SH3KBP1: variants seen among roughly 807,000 people sequenced by gnomAD.
The protein encoded by SH3KBP1 is SH3 domain containing kinase binding protein 1, also known as SH3 domain-containing kinase-binding protein 1.
Under a neutral mutation model 50.1 loss-of-function variants are expected in SH3KBP1, and 8 were observed. The ratio of observed to expected loss-of-function variants is 0.16; its 90% CI spans 0.09 to 0.29. The LOEUF is 0.29. Among genes scored for constraint, SH3KBP1 ranks in the 10% least tolerant of loss-of-function variants. The probability of loss-of-function intolerance (pLI) is 1.00; values close to 1 mark genes in which losing one functional copy is unlikely to be tolerated. For synonymous variants in SH3KBP1, 227 were observed against 218.6 expected (o/e 1.04, Z -0.34); for missense variants, 377 against 535.2 (o/e 0.70, Z 2.92).
intron 13 of SH3KBP1, among the ~76,000 whole-genome samples, chrX:19,554,015 A>ATATATATTAAAATATAATATATAT (rs2065350801): frequency 3.4e-5 from 2 of 59,154 alleles, no homozygotes; most frequent in Admixed American, 2.7e-4. Flanking sequence ...ATAATATATA[A>ATATATATTAAAATATAATATATAT]TATATATTAA....
intron 6 of SH3KBP1, among the ~76,000 whole-genome samples, chrX:19,645,935 G>T (rs2061979002): frequency 9.0e-6 from 1 of 111,403 alleles, no homozygotes; most frequent in Non-Finnish European, 1.9e-5. Flanking sequence ...GGGCAGGACG[G>T]GCAGGCAGGT....
At chrX:19,842,470 G>C in intron 1 of SH3KBP1, among the ~76,000 whole-genome samples, 1 of 111,567 alleles carries the variant, frequency 9.0e-6, no homozygotes, top group East Asian at 2.8e-4. Context: ...AGGTTGCAGT[G>C]AGCTGAGATC....
intron 2 of SH3KBP1, among the ~76,000 whole-genome samples, chrX:19,769,246 G>C (rs1186257049): frequency 3.0e-5 from 3 of 100,624 alleles, no homozygotes; most frequent in Non-Finnish European, 5.9e-5. Flanking sequence ...CACCATGCCC[G>C]GCTAATTTTT....
chrX:19,669,032 A>G (rs1397440358), intron 6 of SH3KBP1, among the ~76,000 whole-genome samples: 3 of 91,201 alleles, frequency 3.3e-5, no homozygotes, highest in Non-Finnish European at 6.5e-5. Context: ...ACACGATCTC[A>G]GCTCACTGCA....
intron 2 of SH3KBP1, among the ~76,000 whole-genome samples, chrX:19,762,735 T>C (rs1231814578): frequency 8.9e-6 from 1 of 111,859 alleles, no homozygotes; most frequent in Non-Finnish European, 1.9e-5. Flanking sequence ...GCAGGCAAGG[T>C]GAATCAGGTG....
At chrX:19,648,723 C>T (rs765193524) in intron 6 of SH3KBP1, among the ~76,000 whole-genome samples, 59 of 110,962 alleles carry the variant, frequency 5.3e-4, no homozygotes, top group African/African-American at 1.9e-3. Flanking sequence ...CTTGCCACTA[C>T]CCACTCAAAG....
At chrX:19,597,793 A>C (rs2148035606) in intron 9 of SH3KBP1, among the ~76,000 whole-genome samples, 1 of 112,745 alleles carries the variant, frequency 8.9e-6, no homozygotes, top group African/African-American at 3.2e-5. Flanking sequence ...CACCAGATGC[A>C]TTAGCCCCTA....
At chrX:19,752,366 G>C (rs770444000) in intron 2 of SH3KBP1, among the ~76,000 whole-genome samples, 1 of 112,277 alleles carries the variant, frequency 8.9e-6, no homozygotes, top group Non-Finnish European at 1.9e-5. Flanking sequence ...TTAGAGAGTA[G>C]TATACAAATT....
intron 12 of SH3KBP1, among the ~76,000 whole-genome samples, chrX:19,574,685 G>A (rs761105860): frequency 8.9e-5 from 10 of 112,552 alleles, no homozygotes; most frequent in Admixed American, 2.8e-4. Context: ...CACCTTGGGA[G>A]TGAGGATTTC....
chrX:19,587,652 C>G (rs1393704906), intron 12 of SH3KBP1, among the ~76,000 whole-genome samples: 1 of 112,054 alleles, frequency 8.9e-6, no homozygotes, highest in Non-Finnish European at 1.9e-5. Context: ...TTATCATCCT[C>G]TATTTACAGA....
chrX:19,607,129 C>G (rs190018112), intron 9 of SH3KBP1, among the ~76,000 whole-genome samples: 123 of 112,450 alleles, frequency 1.1e-3, no homozygotes, highest in Middle Eastern at 4.6e-3. Flanking sequence ...CTTCCCACAC[C>G]TCAGCCCTAC....
At chrX:19,647,862 C>T in intron 6 of SH3KBP1, among the ~76,000 whole-genome samples, 1 of 110,944 alleles carries the variant, frequency 9.0e-6, no homozygotes, top group Non-Finnish European at 1.9e-5. Context: ...ATCAGAAACT[C>T]TGGGGATGGT....
intron 2 of SH3KBP1, chrX:19,799,887 T>C: frequency 2.2e-6 from 2 of 889,834 alleles, no homozygotes; most frequent in Non-Finnish European, 2.9e-6. Flanking sequence ...CACTTATTTC[T>C]GTCGCAAATC....
intron 1 of SH3KBP1, among the ~76,000 whole-genome samples, chrX:19,880,546 T>TA (rs199968387): frequency 0.016 from 1,820 of 112,526 alleles, 37 homozygotes; most frequent in African/African-American, 0.055. Flanking sequence ...AAATTAAAAA[T>TA]AAAAAATGTT....
intron 1 of SH3KBP1, among the ~76,000 whole-genome samples, chrX:19,836,776 T>C (rs1240492824): frequency 8.9e-6 from 1 of 112,037 alleles, no homozygotes; most frequent in Non-Finnish European, 1.9e-5. Flanking sequence ...CCTTGAATTG[T>C]AGTTCCCATA....
chrX:19,768,032 T>C (rs1045632095), intron 2 of SH3KBP1, among the ~76,000 whole-genome samples: 5 of 111,093 alleles, frequency 4.5e-5, no homozygotes, highest in Admixed American at 3.8e-4. Flanking sequence ...AACCTGTCAA[T>C]ACCAAGGCAC....
At chrX:19,774,656 AAGAAAGAAAGAAAGAAAG>A (rs2065908881) in intron 2 of SH3KBP1, among the ~76,000 whole-genome samples, 1 of 31,231 alleles carries the variant, frequency 3.2e-5, no homozygotes, top group African/African-American at 3.7e-4. Context: ...CTCAAAAAAA[AAGAAAGAAAGAAAGAAAG>A]AAAGAAAGAA....
chrX:19,554,080 T>TATATTAAAATATAATATTATATATC lies in SH3KBP1; in HGVS notation c.1385-4022_1385-3998dup, dbSNP rs1569278273. On this transcript the variant is annotated intron_variant, in intron 13 of 17. Coordinates refer to ENST00000397821, the MANE Select transcript of SH3KBP1 (RefSeq NM_031892.3). ...ATTATATATATTAAAATACATTATA[T>TATATTAAAATATAATATTATATATC]ATATTAAAATATAATATTATATATC... Among the ~76,000 whole-genome samples, 346 of 57,095 alleles carry TATATTAAAATATAATATTATATATC rather than the reference T, an allele frequency of 6.1e-3. 20 individuals carry two copies. Among genetic ancestry groups the TATATTAAAATATAATATTATATATC allele is most frequent in the African/African-American group, 0.038 (317 of 8,288 alleles). 49.6% of individuals were successfully genotyped at this position (57,095 alleles called of 115,157 possible).
chrX:19,549,577 C>A (rs748196101), intron 14 of SH3KBP1, among the ~76,000 whole-genome samples: 1 of 111,386 alleles, frequency 9.0e-6, no homozygotes, highest in Non-Finnish European at 1.9e-5. Flanking sequence ...TGCTGCCTGG[C>A]GCTATATAGG....
Sources: allele counts gnomAD v4.1 joint callset (sites outside exome capture counted in the v4.1 genomes callset), GRCh38; gene constraint gnomAD v4.1.1; transcripts MANE v1.5; gene names NCBI Gene and HGNC (gene_info 2026-07-23, HGNC 2026-07-21).